The following LGSN variants were observed in gnomAD, a reference collection of about 807,000 sequenced individuals.
LGSN encodes lengsin, lens protein with glutamine synthetase domain.
A neutral mutation model predicts 19.5 loss-of-function variants in LGSN; 21 were observed. The ratio of observed to expected loss-of-function variants is 1.07; its 90% confidence interval spans 0.76 to 1.55. LGSN has a LOEUF of 1.55. LGSN is among the 40% of genes most tolerant of loss of function. The pLI is 0.00. For missense variants in LGSN, 673 were observed against 608.5 expected, an observed-to-expected ratio of 1.11 and a Z score of -1.12; for synonymous variants, 257 against 215.6, an observed-to-expected ratio of 1.19 and a Z score of -1.68.
At chr6:63,500,446 A>C in the LGSN span, among the ~76,000 whole-genome samples, 13 of 151,530 alleles carry the variant, frequency 8.6e-5, no homozygotes, top group African/African-American at 2.4e-4. Flanking sequence ...TTTGAGACGG[A>C]GTTTCACTCT....
chr6:63,445,219 G>T, the LGSN span, among the ~76,000 whole-genome samples: 1 of 151,968 alleles, frequency 6.6e-6, no homozygotes, highest in East Asian at 1.9e-4. Context: ...GCTGAGGCAG[G>T]AGAATCACTT....
the LGSN span, among the ~76,000 whole-genome samples, chr6:63,401,395 G>A: frequency 5.6e-3 from 798 of 143,144 alleles, 2 homozygotes; most frequent in South Asian, 0.025. Flanking sequence ...ACAAAAATCT[G>A]TCTCAAAAAA....
chr6:63,566,642 G>A, the LGSN span, among the ~76,000 whole-genome samples: 4 of 152,188 alleles, frequency 2.6e-5, no homozygotes, highest in Non-Finnish European at 5.9e-5. Context: ...TTTGCTGTTG[G>A]AGAATCCTGC....
chr6:63,488,379 G>A, the LGSN span, among the ~76,000 whole-genome samples: 51 of 152,262 alleles, frequency 3.3e-4, no homozygotes, highest in Admixed American at 3.3e-3. Flanking sequence ...GCATCCCACA[G>A]GTAGTAAGAG....
chr6:63,335,455 A>G, the LGSN span, among the ~76,000 whole-genome samples: 5 of 152,226 alleles, frequency 3.3e-5, no homozygotes, highest in African/African-American at 1.2e-4. Flanking sequence ...AAACAGCTCA[A>G]CAATAAAAAA....
chr6:63,437,071 G>T, the LGSN span, among the ~76,000 whole-genome samples: 3 of 140,998 alleles, frequency 2.1e-5, no homozygotes, highest in Admixed American at 2.2e-4. Context: ...GGAAGGGAAG[G>T]GGAGGGGAGG....
the LGSN span, among the ~76,000 whole-genome samples, chr6:63,484,480 C>T: frequency 2.0e-5 from 3 of 151,914 alleles, no homozygotes; most frequent in East Asian, 5.8e-4. Flanking sequence ...GCCAAGATAG[C>T]GCCACTACAC....
the LGSN span, among the ~76,000 whole-genome samples, chr6:63,532,160 A>G: frequency 6.6e-6 from 1 of 152,238 alleles, no homozygotes; most frequent in Admixed American, 6.5e-5. Context: ...TAAAGAAAAA[A>G]TTAGAAATAA....
chr6:63,387,890 G>A, the LGSN span, among the ~76,000 whole-genome samples: 3 of 151,910 alleles, frequency 2.0e-5, no homozygotes, highest in African/African-American at 7.3e-5. Flanking sequence ...TTTTGAGTCA[G>A]AGTCTTGCTC....
chr6:63,389,779 T>G, the LGSN span, among the ~76,000 whole-genome samples: 1 of 152,178 alleles, frequency 6.6e-6, no homozygotes, highest in Non-Finnish European at 1.5e-5. Context: ...AATACAGAAA[T>G]TCAAAGGTAG....
At chr6:63,554,602 A>G in the LGSN span, among the ~76,000 whole-genome samples, 1 of 152,220 alleles carries the variant, frequency 6.6e-6, no homozygotes, top group Non-Finnish European at 1.5e-5. Context: ...GTTCAAGACC[A>G]GCCTGGCCAA....
chr6:63,341,312 G>A, the LGSN span, among the ~76,000 whole-genome samples: 1 of 152,246 alleles, frequency 6.6e-6, no homozygotes, highest in South Asian at 2.1e-4. Context: ...ACTGGTTGTA[G>A]GTGGTATGGA....
At chr6:63,356,024 T>C in the LGSN span, among the ~76,000 whole-genome samples, 1 of 150,336 alleles carries the variant, frequency 6.7e-6, no homozygotes, top group African/African-American at 2.5e-5. Context: ...TGTTCACATA[T>C]TCTTCCTTCT....
the LGSN span, among the ~76,000 whole-genome samples, chr6:63,521,387 C>G: frequency 6.6e-6 from 1 of 152,152 alleles, no homozygotes; most frequent in East Asian, 1.9e-4. Context: ...GCATTTTTCT[C>G]CCCAATCTAA....
chr6:63,300,119 C>T (rs1768125947), intron 1 of LGSN, among the ~76,000 whole-genome samples: 1 of 152,146 alleles, frequency 6.6e-6, no homozygotes, highest in African/African-American at 2.4e-5. Flanking sequence ...AGGACACAGC[C>T]AAGCCCACTA....
the LGSN span, among the ~76,000 whole-genome samples, chr6:63,477,670 C>CTT: frequency 1.7e-5 from 1 of 60,088 alleles, no homozygotes; most frequent in Non-Finnish European, 3.9e-5. Flanking sequence ...TCTTTTTCTT[C>CTT]TTCTTCTTCT....
the LGSN span, among the ~76,000 whole-genome samples, chr6:63,349,462 T>C: frequency 6.6e-6 from 1 of 152,218 alleles, no homozygotes; most frequent in Non-Finnish European, 1.5e-5. Flanking sequence ...TGAAAAGATT[T>C]GTGATGTGGC....
At chr6:63,349,056 C>T in the LGSN span, among the ~76,000 whole-genome samples, 3 of 152,102 alleles carry the variant, frequency 2.0e-5, no homozygotes, top group East Asian at 3.9e-4. Context: ...AAGCACTGAG[C>T]TTACTGTGCA....
chr6:63,532,289 A>G, the LGSN span, among the ~76,000 whole-genome samples: 1 of 152,198 alleles, frequency 6.6e-6, no homozygotes, highest in Admixed American at 6.5e-5. Context: ...AATATTGTCA[A>G]ATTTTGGTAA....
Sources: gnomAD v4.1 joint callset for allele counts (sites outside exome capture counted in the v4.1 genomes callset) on GRCh38, gnomAD v4.1.1 for gene constraint, MANE v1.5 for transcripts, NCBI Gene and HGNC (gene_info 2026-07-23, HGNC 2026-07-21) for gene names.